The following RERE variants were observed in gnomAD, a reference collection of about 807,000 sequenced individuals.
RERE encodes arginine-glutamic acid dipeptide repeats protein.
A neutral mutation model predicts 146.1 loss-of-function variants in RERE; 40 were observed. The ratio of observed to expected loss-of-function variants is 0.27; its 90% CI spans 0.21 to 0.36. The LOEUF is 0.36. RERE is among the 10% of genes least tolerant of loss of function. RERE has a pLI of 1.00. For synonymous variants in RERE, 1,003 were observed against 866.0 expected, an observed-to-expected ratio of 1.16 and a Z score of -2.78; for missense variants, 1,933 against 2,138.7, an observed-to-expected ratio of 0.90 and a Z score of 1.90.
intron 1 of RERE, chr1:8,702,948 G>C (rs1290076048): frequency 1.3e-5 from 2 of 152,110 alleles, no homozygotes; most frequent in Admixed American, 1.3e-4. Flanking sequence ...TTCTAGGGTC[G>C]GCTGGAACAC....
chr1:8,737,745 T>C (rs1202515641), intron 1 of RERE, among the ~76,000 whole-genome samples: 1 of 152,032 alleles, frequency 6.6e-6, no homozygotes, highest in Non-Finnish European at 1.5e-5. Context: ...TGGAAAAAAA[T>C]GTTTTCATCC....
intron 12 of RERE, among the ~76,000 whole-genome samples, chr1:8,370,501 G>C (rs1247461456): frequency 2.6e-5 from 4 of 152,196 alleles, no homozygotes; most frequent in Admixed American, 2.6e-4. Context: ...ATATATGGCA[G>C]GTTACGTCAA....
chr1:8,639,320 G>A (rs1041790156), intron 2 of RERE, among the ~76,000 whole-genome samples: 6 of 152,114 alleles, frequency 3.9e-5, no homozygotes, highest in Non-Finnish European at 7.4e-5. Context: ...AAAACTGATG[G>A]TCTCTACAAC....
chr1:8,543,369 G>A (rs1645821922), intron 6 of RERE, among the ~76,000 whole-genome samples: 3 of 152,178 alleles, frequency 2.0e-5, no homozygotes, highest in Admixed American at 2.0e-4. Context: ...CAGTAAAATA[G>A]AGATAACACC....
intron 1 of RERE, among the ~76,000 whole-genome samples, chr1:8,730,479 AT>A (rs1328034564): frequency 1.3e-5 from 2 of 152,030 alleles, no homozygotes; most frequent in Non-Finnish European, 2.9e-5. Context: ...AGTAGCTGGG[AT>A]TACAGGCATG....
intron 10 of RERE, among the ~76,000 whole-genome samples, chr1:8,479,073 A>G (rs1490406402): frequency 1.3e-5 from 2 of 152,178 alleles, no homozygotes; most frequent in Non-Finnish European, 2.9e-5. Flanking sequence ...TCTCAATATC[A>G]GAAACTCCAC....
intron 1 of RERE, among the ~76,000 whole-genome samples, chr1:8,696,384 G>A (rs1330780476): frequency 1.3e-5 from 2 of 152,182 alleles, no homozygotes; most frequent in South Asian, 2.1e-4. Context: ...AGGCAGAGGT[G>A]AGCAGATCAC....
At chr1:8,592,154 C>T (rs556537721) in intron 4 of RERE, among the ~76,000 whole-genome samples, 1 of 152,240 alleles carries the variant, frequency 6.6e-6, no homozygotes, top group African/African-American at 2.4e-5. Flanking sequence ...AATCACAGGC[C>T]ATTTCATGTT....
At chr1:8,548,765 C>G (rs6577498) in intron 6 of RERE, among the ~76,000 whole-genome samples, 1 of 152,090 alleles carries the variant, frequency 6.6e-6, no homozygotes, top group Admixed American at 6.5e-5. Context: ...CGGGTGGATC[C>G]GGAGGTCAGG....
At chr1:8,502,194 C>A (rs1306941133) in intron 8 of RERE, among the ~76,000 whole-genome samples, 1 of 75,678 alleles carries the variant, frequency 1.3e-5, no homozygotes, top group African/African-American at 6.1e-5. Context: ...CCAGCCGCCC[C>A]GTCCGGGAGG....
At chr1:8,420,696 G>C (rs1407455498) in intron 12 of RERE, among the ~76,000 whole-genome samples, 1 of 152,188 alleles carries the variant, frequency 6.6e-6, no homozygotes, top group Non-Finnish European at 1.5e-5. Flanking sequence ...TAGTTCCAAT[G>C]ATGGTGACTG....
intron 3 of RERE, among the ~76,000 whole-genome samples, chr1:8,621,354 C>T (rs1646913611): frequency 6.6e-6 from 1 of 152,134 alleles, no homozygotes; most frequent in Admixed American, 6.5e-5. Flanking sequence ...AAATGTGACC[C>T]AAGGCCCTTG....
intron 1 of RERE, among the ~76,000 whole-genome samples, chr1:8,757,951 A>AT (rs1277792393): frequency 7.0e-5 from 8 of 114,910 alleles, no homozygotes; most frequent in Non-Finnish European, 1.4e-4. Flanking sequence ...ATAGGATACT[A>AT]TGTGTTCTAA....
At chr1:8,403,320 T>C (rs913480694) in intron 12 of RERE, among the ~76,000 whole-genome samples, 5 of 152,204 alleles carry the variant, frequency 3.3e-5, no homozygotes, top group Non-Finnish European at 7.3e-5. Context: ...AGCCCTTACA[T>C]GTGTGGGTTT....
At chr1:8,744,631 GTCTAAAAGAGATGACCT>G (rs1640383528) in intron 1 of RERE, among the ~76,000 whole-genome samples, 1 of 152,136 alleles carries the variant, frequency 6.6e-6, no homozygotes, top group Non-Finnish European at 1.5e-5. Flanking sequence ...TCATAATATG[GTCTAAAAGAGATGACCT>G]TCAAACTTTA....
chr1:8,372,458 C>T (rs2124391160), intron 12 of RERE, among the ~76,000 whole-genome samples: 1 of 150,820 alleles, frequency 6.6e-6, no homozygotes, highest in East Asian at 2.0e-4. Context: ...TCTGGAGACT[C>T]CCACACACGG....
chr1:8,755,072 A>G (rs1320910877), intron 1 of RERE, among the ~76,000 whole-genome samples: 1 of 152,284 alleles, frequency 6.6e-6, no homozygotes, highest in African/African-American at 2.4e-5. Flanking sequence ...ATTCCAATTC[A>G]ATACAAAGGC....
At chr1:8,556,056 T>C (rs1441750447) in intron 6 of RERE, among the ~76,000 whole-genome samples, 1 of 152,088 alleles carries the variant, frequency 6.6e-6, no homozygotes, top group Non-Finnish European at 1.5e-5. Context: ...AGGAATTAAA[T>C]CTTTAGAAAG....
chr1:8,476,960 A>T lies in RERE; in HGVS notation c.1105-10937T>A, dbSNP rs564582014. On this transcript the variant is annotated intron_variant, in intron 10 of 22. Transcript: ENST00000400908. ...TTAATACATTAATTTAGAAAAATAA[A>T]AAAACAATAAAACCATTGAATTAAG... Among the ~76,000 whole-genome samples the T allele has an allele frequency of 2.6e-5, 4 of 152,362 alleles. No individual in the cohort carries two copies. In the East Asian group the frequency reaches 7.7e-4, roughly 29 times the overall value.
Sources: gnomAD v4.1 joint callset for allele counts (sites outside exome capture counted in the v4.1 genomes callset) on GRCh38, gnomAD v4.1.1 for gene constraint, MANE v1.5 for transcripts, NCBI Gene and HGNC (gene_info 2026-07-23, HGNC 2026-07-21) for gene names.